Variants in CD109 observed in about 807,000 individuals in gnomAD.
CD109 encodes CD109 molecule.
CD109 carries 149 observed loss-of-function variants against 165.8 expected under a neutral mutation model. The observed-to-expected ratio is 0.90, with a 90% CI of 0.79 to 1.03. The LOEUF is 1.03. CD109 is among the 50% of genes least tolerant of loss of function. The pLI is 0.00. For missense variants in CD109, 1,712 were observed against 1,677.8 expected (o/e 1.02, Z -0.36); for synonymous variants, 585 against 592.1 (o/e 0.99, Z 0.18).
rs1776322036 is a variant in CD109 at position 73,827,930 on chromosome 6, A to G, written c.*4297A>G. On this transcript the variant is annotated 3_prime_UTR_variant, in exon 33 of 33. Coordinates refer to ENST00000287097, the MANE Select transcript of CD109 (RefSeq NM_133493.5). ...TTACCACGTTTGCCCAGTGTATTGA[A>G]TTGGTGGTAGAAGGTAGTTCCATGT... 1 of 154,736 alleles carries G rather than the reference A, an allele frequency of 6.5e-6. No homozygotes were observed. Among genetic ancestry groups the G allele is most frequent in the Non-Finnish European group, 1.5e-5 (1 of 68,198 alleles). 9.6% of individuals were successfully genotyped at this position (154,736 alleles called of 1,614,324 possible). A position where few individuals can be genotyped will look rare whatever the true frequency, so the allele number is the denominator to read the frequency against.
At chr6:73,772,505 C>CAAAAA in intron 15 of CD109, among the ~76,000 whole-genome samples, 1 of 39,568 alleles carries the variant, frequency 2.5e-5, no homozygotes, top group Non-Finnish European at 5.0e-5. Flanking sequence ...GACTCTGTCT[C>CAAAAA]AAAAAAAAAA....
intron 4 of CD109, among the ~76,000 whole-genome samples, chr6:73,732,916 G>C (rs1027691571): frequency 1.3e-5 from 2 of 152,108 alleles, no homozygotes; most frequent in Admixed American, 1.3e-4. Flanking sequence ...TGACTCTCTT[G>C]GCCAGGGGAG....
intron 28 of CD109, among the ~76,000 whole-genome samples, chr6:73,811,684 A>C (rs995953197): frequency 1.3e-5 from 2 of 152,190 alleles, no homozygotes; most frequent in Admixed American, 6.5e-5. Context: ...TAACTGGAAT[A>C]AAAGAATATG....
chr6:73,824,137 C>T lies in CD109; in HGVS notation c.*504C>T, dbSNP rs1479493621. On this transcript the variant is annotated 3_prime_UTR_variant, in exon 33 of 33. Transcript: ENST00000287097. ...CCATGCCCAGTGGTCTCAGTAGATA[C>T]TTCTTAACTGGAAATTCTTTCTTTT... 3.3e-5 allele frequency: 4 copies of T among 121,794 alleles called. No homozygotes were observed. The highest frequency in any genetic ancestry group is 1.2e-4 in the African/African-American group (4 of 32,268). The allele number at this position is 121,794 out of a possible 1,614,324, so 7.5% of individuals were successfully genotyped here. A position where few individuals can be genotyped will look rare whatever the true frequency, so the allele number is the denominator to read the frequency against.
the CD109 span, among the ~76,000 whole-genome samples, chr6:73,686,637 A>ATAAAT: frequency 7.1e-4 from 108 of 152,316 alleles, no homozygotes; most frequent in African/African-American, 2.4e-3. Context: ...ACTTAAAAAT[A>ATAAAT]TAAATTAAAT....
At chr6:73,787,913 T>C (rs1161991428) in intron 21 of CD109, among the ~76,000 whole-genome samples, 1 of 152,190 alleles carries the variant, frequency 6.6e-6, no homozygotes, top group East Asian at 1.9e-4. Context: ...CTGCCAAGTG[T>C]GATTTTGAAC....
At position 73,762,944 on chromosome 6, in the gene CD109, A is replaced by T. The variant is rs1451901449; in HGVS notation, c.997+62A>T. On this transcript the variant is annotated intron_variant, in intron 9 of 32. Coordinates refer to ENST00000287097, the MANE Select transcript of CD109 (RefSeq NM_133493.5). ...GTGACACTGCTTTATCATCTTTCTT[A>T]TTATAACTGGCACTTTCATTTGGGA... is the stretch of plus-strand genomic sequence containing the variant. The T allele has an allele frequency of 3.0e-5, 42 of 1,401,180 alleles. 1 individual carries two copies. In the South Asian group the frequency reaches 5.9e-4, roughly 20 times the overall value. 86.8% of individuals were successfully genotyped at this position (1,401,180 alleles called of 1,614,324 possible).
intron 5 of CD109, among the ~76,000 whole-genome samples, chr6:73,755,144 T>C (rs1376485051): frequency 2.0e-5 from 3 of 152,220 alleles, no homozygotes; most frequent in African/African-American, 7.2e-5. Flanking sequence ...ACCTTCTTGA[T>C]TTGACTTTTG....
At chr6:73,681,861 C>T in the CD109 span, among the ~76,000 whole-genome samples, 1 of 152,032 alleles carries the variant, frequency 6.6e-6, no homozygotes, top group African/African-American at 2.4e-5. Flanking sequence ...CCTTAGCCTC[C>T]CAAAGTGCTG....
rs150026354 is a variant in CD109 at position 73,763,648 on chromosome 6, C to T, written c.1070C>T (p.Thr357Ile). 1 of 1,592,804 alleles carries T rather than the reference C, an allele frequency of 6.3e-7. No individual in the cohort carries two copies. The highest frequency in any genetic ancestry group is 8.6e-7 in the Non-Finnish European group (1 of 1,167,614). ...TACATCATTGAGTTTTTTGATTATA[C>T]TACTGTCTTGAAGCCATCTCTCAAC... ...HDYIIEFFDY[T>I]TVLKPSLNFT... Residue 357 changes from threonine to isoleucine, a missense_variant, in exon 10 of 33, where the codon ACT becomes ATT. Thr to Ile is a moderately conservative substitution (Grantham distance 89). Coordinates refer to ENST00000287097, the MANE Select transcript of CD109 (RefSeq NM_133493.5).
At position 73,763,629 on chromosome 6, in the gene CD109, A is replaced by AT; in HGVS notation, c.1053dup (p.Glu352Ter). ...GTTCTTCAAGCAACATGATTACATC[A>AT]TTGAGTTTTTTGATTATACTACTGT... On this transcript the variant is annotated frameshift_variant, in exon 10 of 33. Transcript: ENST00000287097. LOFTEE classifies it high-confidence loss of function. 3 of 1,597,366 alleles carry AT rather than the reference A, an allele frequency of 1.9e-6. No homozygotes were observed. The highest frequency in any genetic ancestry group is 2.6e-6 in the Non-Finnish European group (3 of 1,170,814).
intron 22 of CD109, among the ~76,000 whole-genome samples, chr6:73,791,166 T>TATACACATACAC (rs1774935272): frequency 2.4e-5 from 1 of 40,972 alleles, no homozygotes; most frequent in East Asian, 9.9e-4. Context: ...TATATATATA[T>TATACACATACAC]ATATATATAT....
chr6:73,798,536 C>G lies in CD109; in HGVS notation c.2879-4684C>G, dbSNP rs952408647. Among the ~76,000 whole-genome samples, 19 of 152,160 alleles carry G rather than the reference C, an allele frequency of 1.2e-4. 1 individual carries two copies. Among genetic ancestry groups the G allele is most frequent in the African/African-American group, 4.6e-4 (19 of 41,510 alleles). On this transcript the variant is annotated intron_variant, in intron 23 of 32. Coordinates refer to ENST00000287097, the MANE Select transcript of CD109 (RefSeq NM_133493.5). ...GGAAGGAAACCTCACAGGACACTCCCACAAGGAGACATACAAGTTCTCTCC... is the reference window on the plus strand; with the variant it reads ...GGAAGGAAACCTCACAGGACACTCCGACAAGGAGACATACAAGTTCTCTCC...
At chr6:73,748,806 GA>G (rs1773077931) in intron 5 of CD109, among the ~76,000 whole-genome samples, 1 of 152,216 alleles carries the variant, frequency 6.6e-6, no homozygotes, top group Admixed American at 6.5e-5. Context: ...ACAGGAAAGG[GA>G]AGGAAAGGAT....
chr6:73,708,710 A>G (rs1771401568), intron 2 of CD109, among the ~76,000 whole-genome samples: 1 of 152,162 alleles, frequency 6.6e-6, no homozygotes, highest in South Asian at 2.1e-4. Context: ...GTGAGATGGT[A>G]TCTCATTGTG....
chr6:73,816,324 G>A (rs1775935991), intron 30 of CD109, among the ~76,000 whole-genome samples: 1 of 152,088 alleles, frequency 6.6e-6, no homozygotes, highest in South Asian at 2.1e-4. Flanking sequence ...ACAACTTCAA[G>A]TTATTACTAT....
chr6:73,690,479 G>A, the CD109 span, among the ~76,000 whole-genome samples: 1 of 151,902 alleles, frequency 6.6e-6, no homozygotes, highest in Non-Finnish European at 1.5e-5. Context: ...TCGGCTCACC[G>A]CAACCTCCGC....
rs753191840 is a variant in CD109 at position 73,808,153 on chromosome 6, A to T, written c.3260A>T (p.Tyr1087Phe). Reference sequence around the variant, plus strand: ...TTCAGTAGAGGAATTTCAGACAATTATACTCTAGCCCTTATAACTTATGCA... The same window carrying T: ...TTCAGTAGAGGAATTTCAGACAATTTTACTCTAGCCCTTATAACTTATGCA... ...SEFSRGISDN[Y>F]TLALITYALS... Residue 1087 changes from tyrosine (Y) to phenylalanine (F), a missense_variant, in exon 26 of 33, where the codon TAT (tyrosine) becomes TTT (phenylalanine). Physicochemically the swap from Tyr to Phe is conservative, Grantham distance 22 (BLOSUM62 3). Transcript: ENST00000287097. 3 of 1,613,474 alleles carry T rather than the reference A, an allele frequency of 1.9e-6. No homozygotes were observed. The highest frequency in any genetic ancestry group is 1.7e-6 in the Non-Finnish European group (2 of 1,179,682).
At chr6:73,699,129 C>T (rs548449512) in intron 2 of CD109, among the ~76,000 whole-genome samples, 9 of 152,126 alleles carry the variant, frequency 5.9e-5, no homozygotes, top group East Asian at 1.9e-4. Context: ...TTATGATAGT[C>T]GCTAAAGAAA....
Sources: allele counts gnomAD v4.1 joint callset (sites outside exome capture counted in the v4.1 genomes callset), GRCh38; gene constraint gnomAD v4.1.1; transcripts MANE v1.5; gene names NCBI Gene and HGNC (gene_info 2026-07-23, HGNC 2026-07-21).